The following PTPRO variants were observed in gnomAD, a reference collection of about 807,000 sequenced individuals.
The protein encoded by PTPRO is protein tyrosine phosphatase receptor type O.
In PTPRO, 62 loss-of-function variants were observed where a neutral mutation model predicts 145.2. The observed-to-expected ratio is 0.43, with a 90% CI of 0.35 to 0.53. The LOEUF (loss-of-function observed/expected upper bound fraction) is 0.53, where lower values mean the gene tolerates loss of function less well. PTPRO is among the 20% of genes least tolerant of loss of function. The pLI is 0.01. For synonymous variants in PTPRO, 565 were observed against 514.7 expected (o/e 1.10, Z -1.32); for missense variants, 1,345 against 1,482.7 (o/e 0.91, Z 1.53).
intron 12 of PTPRO, among the ~76,000 whole-genome samples, chr12:15,538,027 T>C (rs2135534100): frequency 6.6e-6 from 1 of 152,240 alleles, no homozygotes; most frequent in South Asian, 2.1e-4. Context: ...ATGCTACTCT[T>C]CTGATATATA....
At chr12:15,330,326 G>A (rs1866571333) in intron 1 of PTPRO, among the ~76,000 whole-genome samples, 1 of 152,190 alleles carries the variant, frequency 6.6e-6, no homozygotes, top group African/African-American at 2.4e-5. Flanking sequence ...TTAGATGTGG[G>A]AAATTGGAGA....
At chr12:15,416,325 C>CTGT (rs1565616801) in intron 1 of PTPRO, among the ~76,000 whole-genome samples, 1 of 143,676 alleles carries the variant, frequency 7.0e-6, no homozygotes, top group East Asian at 2.0e-4. Context: ...CTCTCTCTTT[C>CTGT]TTTTTTTTTT....
chr12:15,568,099 G>C, intron 18 of PTPRO, among the ~76,000 whole-genome samples: 1 of 152,108 alleles, frequency 6.6e-6, no homozygotes, highest in East Asian at 1.9e-4. Flanking sequence ...CTTTAAATGA[G>C]CATTATTAAA....
At chr12:15,585,492 A>G (rs2135661479) in intron 23 of PTPRO, among the ~76,000 whole-genome samples, 1 of 152,292 alleles carries the variant, frequency 6.6e-6, no homozygotes, top group South Asian at 2.1e-4. Flanking sequence ...CAAGGGTACA[A>G]TGGGTGTAGG....
chr12:15,560,372 T>C, intron 17 of PTPRO, 96 bp downstream of exon 17: 1 of 926,410 alleles, frequency 1.1e-6, no homozygotes, highest in Non-Finnish European at 1.7e-6. Flanking sequence ...CTATTTTGTA[T>C]GTTCAGTAAC....
rs11056464 is a variant in PTPRO at position 15,415,680 on chromosome 12, C to T, written c.76-68294C>T. Among the ~76,000 whole-genome samples the T allele has an allele frequency of 5.4e-3, 827 of 151,756 alleles. 45 individuals are homozygous for T. In the East Asian group the frequency reaches 0.13, roughly 23 times the overall value. ...GATTACAGGCGTGAGCCACTGTGCCCGGCCTATGTGAAATGAATTTATTAC... is the reference window on the plus strand; with the variant it reads ...GATTACAGGCGTGAGCCACTGTGCCTGGCCTATGTGAAATGAATTTATTAC... On this transcript the variant is annotated intron_variant, in intron 1 of 26. Coordinates refer to ENST00000281171, the MANE Select transcript of PTPRO (RefSeq NM_030667.3).
intron 1 of PTPRO, chr12:15,410,806 T>C (rs896515129): frequency 1.3e-5 from 2 of 152,198 alleles, no homozygotes; most frequent in African/African-American, 4.8e-5. Flanking sequence ...AGGAGTGACT[T>C]ACTGACTTCT....
At chr12:15,431,484 C>T (rs543350707) in intron 1 of PTPRO, among the ~76,000 whole-genome samples, 2 of 152,134 alleles carry the variant, frequency 1.3e-5, no homozygotes, top group African/African-American at 2.4e-5. Context: ...TCAATTATCT[C>T]CTTCTGTAAT....
At chr12:15,437,214 C>T (rs1004472819) in intron 1 of PTPRO, among the ~76,000 whole-genome samples, 6 of 151,302 alleles carry the variant, frequency 4.0e-5, no homozygotes, top group African/African-American at 1.5e-4. Flanking sequence ...CCTCCTTGTG[C>T]AAAGACTGGT....
intron 1 of PTPRO, among the ~76,000 whole-genome samples, chr12:15,324,943 C>T (rs1202463070): frequency 2.6e-5 from 4 of 151,912 alleles, no homozygotes; most frequent in Admixed American, 1.3e-4. Context: ...ATTAAAGGTC[C>T]TGATTAAGTG....
At chr12:15,344,705 G>C (rs569395587) in intron 1 of PTPRO, among the ~76,000 whole-genome samples, 1 of 152,070 alleles carries the variant, frequency 6.6e-6, no homozygotes, top group Non-Finnish European at 1.5e-5. Flanking sequence ...ATTCAATGTC[G>C]TCTCTCTCTT....
chr12:15,451,635 T>TA (rs1941048710), intron 1 of PTPRO, among the ~76,000 whole-genome samples: 1 of 152,194 alleles, frequency 6.6e-6, no homozygotes, highest in South Asian at 2.1e-4. Flanking sequence ...ATTGAAATTA[T>TA]ATCAAGCACT....
intron 1 of PTPRO, among the ~76,000 whole-genome samples, chr12:15,400,885 A>T (rs1939474447): frequency 6.6e-6 from 1 of 152,226 alleles, no homozygotes; most frequent in Non-Finnish European, 1.5e-5. Context: ...TCACTGATGC[A>T]TCCCCTAGCA....
intron 22 of PTPRO, 45 bp downstream of exon 22, chr12:15,580,876 C>A (rs773731940): frequency 6.2e-7 from 1 of 1,609,748 alleles, no homozygotes; most frequent in Non-Finnish European, 8.5e-7. Context: ...CAAAACCTGC[C>A]CTAGCCACTG....
Position 15,551,764 on chromosome 12 carries a change from C to T in PTPRO, c.2558+93C>T, listed in dbSNP as rs556295522. 153 of 1,380,838 alleles carry T rather than the reference C, an allele frequency of 1.1e-4. No individual in the cohort carries two copies. The African/African-American group carries it at 1.8e-3, about 16-fold the overall frequency. 85.5% of individuals were successfully genotyped at this position (1,380,838 alleles called of 1,614,324 possible). ...GTTTTTGCACACCTAAGTTGTATAG[C>T]GGTATATTGGATTTTAGTTTTCAGT... On this transcript the variant is annotated intron_variant, in intron 15 of 26. Coordinates refer to ENST00000281171, the MANE Select transcript of PTPRO (RefSeq NM_030667.3).
chr12:15,357,929 A>T (rs1230740911), intron 1 of PTPRO, among the ~76,000 whole-genome samples: 1 of 151,038 alleles, frequency 6.6e-6, no homozygotes, highest in African/African-American at 2.4e-5. Context: ...ATAAAGACAC[A>T]TGCACACGTA....
intron 17 of PTPRO, 27 bp downstream of exon 17, chr12:15,560,303 C>A (rs746001537): frequency 1.4e-6 from 2 of 1,480,538 alleles, no homozygotes; most frequent in East Asian, 2.3e-5. Flanking sequence ...TACTGTTTAA[C>A]ACAAACTCTT....
At chr12:15,387,046 A>G (rs1939049010) in intron 1 of PTPRO, among the ~76,000 whole-genome samples, 1 of 152,216 alleles carries the variant, frequency 6.6e-6, no homozygotes. Flanking sequence ...TTTTCAGATT[A>G]TATTGCATAC....
intron 2 of PTPRO, among the ~76,000 whole-genome samples, chr12:15,490,385 AAAC>A (rs1941975822): frequency 6.6e-6 from 1 of 152,224 alleles, no homozygotes; most frequent in African/African-American, 2.4e-5. Flanking sequence ...CTGCCGTTGT[AAAC>A]AACAGCAGCC....
Sources: allele counts gnomAD v4.1 joint callset (sites outside exome capture counted in the v4.1 genomes callset), GRCh38; gene constraint gnomAD v4.1.1; transcripts MANE v1.5; gene names NCBI Gene and HGNC (gene_info 2026-07-23, HGNC 2026-07-21).